The following AKAP13 variants were observed in gnomAD, a reference collection of about 807,000 sequenced individuals.
The protein encoded by AKAP13 is A-kinase anchor protein 13.
In AKAP13, 80 loss-of-function variants were observed where a neutral mutation model predicts 264.5. The observed-to-expected ratio is 0.30, with a 90% CI of 0.25 to 0.36. AKAP13 has a LOEUF of 0.36. Ranked by LOEUF, AKAP13 falls within the 10% of genes least tolerant of loss-of-function variation. The pLI is 1.00. For missense variants in AKAP13, 3,712 were observed against 3,435.2 expected (o/e 1.08, Z -2.01); for synonymous variants, 1,380 against 1,250.2 (o/e 1.10, Z -2.19).
At chr15:85,487,748 T>C (rs1016601144) in intron 2 of AKAP13, among the ~76,000 whole-genome samples, 1 of 150,908 alleles carries the variant, frequency 6.6e-6, no homozygotes, top group African/African-American at 2.4e-5. Context: ...TATGTATTTA[T>C]TGAGACAAGG....
intron 3 of AKAP13, among the ~76,000 whole-genome samples, chr15:85,524,164 G>C (rs1244741880): frequency 1.3e-5 from 2 of 151,578 alleles, no homozygotes; most frequent in Non-Finnish European, 2.9e-5. Flanking sequence ...AAAGAGCTTT[G>C]TGTCTTGTTC....
rs751554119 is a variant in AKAP13, at chr15:85,664,695, G to A, written c.4932G>A (p.Val1644=). 1.2e-6 allele frequency: 2 copies of A among 1,614,102 alleles called. No homozygotes were observed. The highest frequency in any genetic ancestry group is 3.3e-5 in the Admixed American group (2 of 60,028). Residue 1644 remains valine, a synonymous_variant, in exon 13 of 37, where the codon GTG becomes GTA. Coordinates refer to ENST00000394518, the MANE Select transcript of AKAP13 (RefSeq NM_007200.5). ...GTGAGGAACGGGTTGACTCTTTGGT[G>A]TCACTTTCAGAAGAGGATCTGGAGT... ...FSGEERVDSL[V]SLSEEDLESD... is the part of the protein sequence containing the mutation.
At chr15:85,565,215 T>G (rs1003820952) in intron 5 of AKAP13, among the ~76,000 whole-genome samples, 6 of 151,430 alleles carry the variant, frequency 4.0e-5, no homozygotes, top group Non-Finnish European at 7.4e-5. Flanking sequence ...TTTCGTTTAT[T>G]CAGGGTGATA....
chr15:85,516,008 G>C (rs1417421595), intron 2 of AKAP13, among the ~76,000 whole-genome samples: 1 of 152,074 alleles, frequency 6.6e-6, no homozygotes, highest in African/African-American at 2.4e-5. Flanking sequence ...TAACAACAAA[G>C]ATGTTAAAAA....
In AKAP13 at chr15:85,735,092, G is replaced by A. The variant is rs60517661; in HGVS notation, c.7383G>A (p.Leu2461=). The A allele has an allele frequency of 7.6e-4, 1,224 of 1,614,186 alleles. 7 individuals are homozygous for A. The African/African-American group carries it at 0.013, about 17-fold the overall frequency. The change falls in exon 31 of 37, where the codon CTG becomes CTA. Residue 2461 remains leucine (L), a synonymous_variant. Coordinates refer to ENST00000394518, the MANE Select transcript of AKAP13 (RefSeq NM_007200.5). ...AAGATGTGGTCGGTCCCGTTTCCCT[G>A]CCCCGGAGAGCAGAGACCTTTGGAG... ...IEQDVVGPVS[L]PRRAETFGGF...
In AKAP13 at chr15:85,655,690, G is replaced by C; in HGVS notation, c.4648G>C (p.Val1550Leu). 6.2e-7 allele frequency: 1 copy of C among 1,614,202 alleles called. No homozygotes were observed. Among genetic ancestry groups the C allele is most frequent in the South Asian group, 1.1e-5 (1 of 91,088 alleles). The change falls in exon 11 of 37, where the codon GTC becomes CTC. Residue 1550 changes from valine to leucine, a missense_variant. Physicochemically the swap from Val to Leu is conservative, Grantham distance 32. Coordinates refer to ENST00000394518, the MANE Select transcript of AKAP13 (RefSeq NM_007200.5). ...CACTGAAGTGCCTGCAAACTGCTCT[G>C]TCCTAAGGAGCTCCATGCGCTCTCT... ...SITEVPANCS[V>L]LRSSMRSLSP...
intron 4 of AKAP13, among the ~76,000 whole-genome samples, chr15:85,538,954 T>G (rs985995237): frequency 6.7e-6 from 1 of 149,354 alleles, no homozygotes; most frequent in African/African-American, 2.5e-5. Flanking sequence ...CCTCAGCCTC[T>G]TGAGTAGCTG....
chr15:85,693,525 C>G, intron 17 of AKAP13, 74 bp downstream of exon 17: 1 of 1,575,584 alleles, frequency 6.3e-7, no homozygotes, highest in Non-Finnish European at 8.6e-7. Flanking sequence ...TGTTTCCTGT[C>G]CCCACTCATT....
rs372514201 is a variant in AKAP13 at position 85,717,277 on chromosome 15, C to A, written c.5736-13C>A. The A allele has an allele frequency of 1.3e-6, 2 of 1,567,650 alleles. No homozygotes were observed. The highest frequency in any genetic ancestry group is 1.7e-6 in the Non-Finnish European group (2 of 1,145,616). On this transcript the variant is annotated splice_polypyrimidine_tract_variant and intron_variant, in intron 20 of 36. Transcript: ENST00000394518. ...AATGTATTTGACAGTATGTATTTTT[C>A]TTTTGTCCCCAGAGTTGGCAATGAT... is the stretch of plus-strand genomic sequence containing the variant.
At chr15:85,400,921 G>A (rs1203428637) in intron 1 of AKAP13, among the ~76,000 whole-genome samples, 1 of 150,784 alleles carries the variant, frequency 6.6e-6, no homozygotes, top group South Asian at 2.1e-4. Context: ...GGGTGCAGTG[G>A]CACAATCTTG....
chr15:85,475,172 AT>A (rs1429194647), intron 1 of AKAP13, among the ~76,000 whole-genome samples: 1 of 152,188 alleles, frequency 6.6e-6, no homozygotes, highest in African/African-American at 2.4e-5. Context: ...CCGGATATCT[AT>A]TTTAACCCCT....
intron 5 of AKAP13, among the ~76,000 whole-genome samples, chr15:85,559,916 G>A (rs888286843): frequency 6.6e-6 from 1 of 151,988 alleles, no homozygotes; most frequent in African/African-American, 2.4e-5. Flanking sequence ...AAGTCATCTG[G>A]GGGGTGAGAA....
Position 85,521,527 on chromosome 15 carries a change from A to G in AKAP13, c.133A>G (p.Thr45Ala), listed in dbSNP as rs1246259146. ...VFLGSTLRHC[T>A]STRKVSSDTL... Reference sequence around the variant, plus strand: ...TTTGGGTTCCACCCTCCGTCACTGTACAAGTACTCGGAAGGTCAGTTCTGA... The same window carrying G: ...TTTGGGTTCCACCCTCCGTCACTGTGCAAGTACTCGGAAGGTCAGTTCTGA... Residue 45 changes from threonine (T) to alanine (A), a missense_variant, in exon 3 of 37, where the codon ACA becomes GCA. Physicochemically the swap from Thr to Ala is moderately conservative, Grantham distance 58. Coordinates refer to ENST00000394518, the MANE Select transcript of AKAP13 (RefSeq NM_007200.5). 8 of 1,614,048 alleles carry G rather than the reference A, an allele frequency of 5.0e-6. No homozygotes were observed. Among genetic ancestry groups the G allele is most frequent in the Non-Finnish European group, 6.8e-6 (8 of 1,180,034 alleles).
intron 1 of AKAP13, among the ~76,000 whole-genome samples, chr15:85,483,745 A>T (rs2075431221): frequency 6.6e-6 from 1 of 151,768 alleles, no homozygotes; most frequent in African/African-American, 2.4e-5. Flanking sequence ...CAGAAGGCAG[A>T]GGTTGCAGTG....
At chr15:85,384,938 G>A (rs1453556996) in intron 1 of AKAP13, among the ~76,000 whole-genome samples, 2 of 152,176 alleles carry the variant, frequency 1.3e-5, no homozygotes, top group Non-Finnish European at 2.9e-5. Flanking sequence ...ACATTTGTGT[G>A]GGGCAATGCT....
chr15:85,547,078 C>T (rs2077778211), intron 5 of AKAP13, among the ~76,000 whole-genome samples: 1 of 152,174 alleles, frequency 6.6e-6, no homozygotes, highest in Admixed American at 6.5e-5. Flanking sequence ...GTATCTTCTT[C>T]CCCACCCTGC....
intron 17 of AKAP13, among the ~76,000 whole-genome samples, chr15:85,694,467 A>G (rs1384200754): frequency 6.6e-6 from 1 of 152,212 alleles, no homozygotes; most frequent in Non-Finnish European, 1.5e-5. Context: ...ATAAAACTTC[A>G]CTTATGGATA....
intron 3 of AKAP13, among the ~76,000 whole-genome samples, chr15:85,527,474 G>A (rs2077107522): frequency 1.3e-5 from 2 of 152,196 alleles, no homozygotes; most frequent in Admixed American, 1.3e-4. Flanking sequence ...CATGAAGTGA[G>A]GAGTGAGTAG....
At chr15:85,737,329 C>T (rs1030834569) in intron 33 of AKAP13, among the ~76,000 whole-genome samples, 2 of 152,116 alleles carry the variant, frequency 1.3e-5, no homozygotes, top group African/African-American at 4.8e-5. Context: ...CCCAGGACTC[C>T]TTGTTGTGAC....
Sources: gnomAD v4.1 joint callset for allele counts (sites outside exome capture counted in the v4.1 genomes callset) on GRCh38, gnomAD v4.1.1 for gene constraint, MANE v1.5 for transcripts, NCBI Gene and HGNC (gene_info 2026-07-23, HGNC 2026-07-21) for gene names.